Variants in EMCN observed in about 807,000 individuals in gnomAD.
EMCN encodes MUC-14.
In EMCN, 37 loss-of-function variants were observed where a neutral mutation model predicts 38.4. The observed-to-expected ratio is 0.96, with a 90% CI of 0.74 to 1.27. The LOEUF (loss-of-function observed/expected upper bound fraction) is 1.27, where lower values mean the gene tolerates loss of function less well. EMCN is among the 50% of genes most tolerant of loss of function. The pLI is 0.00. For synonymous variants in EMCN, 95 were observed against 100.8 expected, an observed-to-expected ratio of 0.94 and a Z score of 0.35; for missense variants, 318 against 302.8, an observed-to-expected ratio of 1.05 and a Z score of -0.37.
At chr4:100,432,499 AC>A (rs1315401448) in intron 5 of EMCN, among the ~76,000 whole-genome samples, 2 of 152,132 alleles carry the variant, frequency 1.3e-5, no homozygotes, top group African/African-American at 2.4e-5. Context: ...GCTAGTGTAC[AC>A]ATAATAGGAA....
At chr4:100,430,539 G>A (rs1165506341) in intron 5 of EMCN, among the ~76,000 whole-genome samples, 4 of 152,080 alleles carry the variant, frequency 2.6e-5, no homozygotes, top group Admixed American at 2.0e-4. Flanking sequence ...AGTAAATAAA[G>A]CGTGTCGTAG....
intron 11 of EMCN, among the ~76,000 whole-genome samples, chr4:100,404,844 G>A (rs1239819710): frequency 6.6e-6 from 1 of 152,050 alleles, no homozygotes; most frequent in African/African-American, 2.4e-5. Context: ...TCCAATCCAT[G>A]AACATGCAAT....
At chr4:100,503,396 T>C (rs566651586) in intron 1 of EMCN, among the ~76,000 whole-genome samples, 1 of 152,320 alleles carries the variant, frequency 6.6e-6, no homozygotes, top group African/African-American at 2.4e-5. Flanking sequence ...ATTATACTTA[T>C]ATTTTGGCAC....
In EMCN at chr4:100,459,055, G is replaced by A. The variant is rs4488946; in HGVS notation, c.376+6368C>T. On this transcript the variant is annotated intron_variant, in intron 4 of 11. Transcript: ENST00000296420. ...TATTAAAATGACTTTCCAGTGGATG[G>A]CAAGTCTTCTTTGGCTTTCTCTTTC... 5.8e-4 allele frequency among the ~76,000 whole-genome samples: 89 copies of A among 152,160 alleles called. 4 individuals are homozygous for A. In the South Asian group the frequency reaches 0.018, roughly 32 times the overall value.
intron 1 of EMCN, among the ~76,000 whole-genome samples, chr4:100,514,395 T>C (rs1005730624): frequency 3.9e-5 from 6 of 152,078 alleles, no homozygotes; most frequent in Admixed American, 3.9e-4. Context: ...AAGCTCTTCC[T>C]AGACCCTTCT....
chr4:100,448,836 C>CTTCTT (rs1560619345), intron 4 of EMCN, among the ~76,000 whole-genome samples: 3 of 147,328 alleles, frequency 2.0e-5, no homozygotes, highest in African/African-American at 7.6e-5. Flanking sequence ...CCCTCCCTCC[C>CTTCTT]TCCCTCCCTT....
At chr4:100,448,564 C>T (rs1172947427) in intron 4 of EMCN, among the ~76,000 whole-genome samples, 1 of 152,118 alleles carries the variant, frequency 6.6e-6, no homozygotes, top group East Asian at 1.9e-4. Flanking sequence ...ATTCCAAATT[C>T]AAACATGTCT....
intron 1 of EMCN, among the ~76,000 whole-genome samples, chr4:100,516,855 TG>T (rs1397759285): frequency 2.0e-5 from 3 of 152,116 alleles, no homozygotes; most frequent in African/African-American, 7.2e-5. Context: ...TGAATGTTTT[TG>T]TTTTTTTCCC....
intron 5 of EMCN, among the ~76,000 whole-genome samples, chr4:100,424,053 ATTTG>A (rs1431096946): frequency 6.6e-6 from 1 of 151,578 alleles, no homozygotes; most frequent in African/African-American, 2.4e-5. Context: ...TGTTATCGTT[ATTTG>A]TTTGTTTAGT....
intron 1 of EMCN, among the ~76,000 whole-genome samples, chr4:100,504,877 G>T (rs545655784): frequency 6.6e-6 from 1 of 152,304 alleles, no homozygotes; most frequent in African/African-American, 2.4e-5. Flanking sequence ...CAGTTATCCA[G>T]AGGCCTAACC....
chr4:100,449,249 T>C (rs543831490), intron 4 of EMCN, among the ~76,000 whole-genome samples: 41 of 152,278 alleles, frequency 2.7e-4, no homozygotes, highest in African/African-American at 9.6e-4. Flanking sequence ...TTACTATTTG[T>C]AAGCAACTTT....
At chr4:100,446,062 C>T in intron 5 of EMCN, 1 of 984,940 alleles carries the variant, frequency 1.0e-6, no homozygotes. Context: ...TCCTTCAGTC[C>T]CTCCTTAAAG....
chr4:100,415,903 T>C lies in EMCN; in HGVS notation c.746A>G (p.Glu249Gly). The change falls in exon 10 of 12, where the codon GAG (glutamate) becomes GGG (glycine). Residue 249 changes from glutamate (E) to glycine (G), a missense_variant. Physicochemically the swap from Glu to Gly is moderately conservative, Grantham distance 98 (BLOSUM62 -2). Coordinates refer to ENST00000296420, the MANE Select transcript of EMCN (RefSeq NM_016242.4). Reference sequence around the variant, plus strand: ...CAACTTGTCTGGAAACTTACCAGACTCATGAGAAATTGTCTTAACGGTAAG... The same window carrying C: ...CAACTTGTCTGGAAACTTACCAGACCCATGAGAAATTGTCTTAACGGTAAG... ...KLLTVKTISH[E>G]SGEHSAQGKT... The C allele has an allele frequency of 3.2e-6, 5 of 1,584,552 alleles. No homozygotes were observed. Among genetic ancestry groups the C allele is most frequent in the Non-Finnish European group, 4.3e-6 (5 of 1,167,132 alleles).
chr4:100,422,905 G>T, intron 7 of EMCN, 116 bp downstream of exon 7: 6 of 926,748 alleles, frequency 6.5e-6, no homozygotes, highest in Non-Finnish European at 8.5e-6. Context: ...TAATGGGATT[G>T]CAGGCTCAGT....
chr4:100,455,744 A>G (rs571611291), intron 4 of EMCN, among the ~76,000 whole-genome samples: 1 of 151,888 alleles, frequency 6.6e-6, no homozygotes, highest in Admixed American at 6.6e-5. Context: ...ACCTGAATCT[A>G]TGGGTTTATA....
At chr4:100,471,252 A>G (rs2110270168) in intron 3 of EMCN, among the ~76,000 whole-genome samples, 1 of 152,072 alleles carries the variant, frequency 6.6e-6, no homozygotes, top group Admixed American at 6.5e-5. Context: ...ATTATGAATG[A>G]AAGAGGATTC....
At chr4:100,406,603 T>A (rs1192810225) in intron 11 of EMCN, among the ~76,000 whole-genome samples, 1 of 152,180 alleles carries the variant, frequency 6.6e-6, no homozygotes, top group Non-Finnish European at 1.5e-5. Flanking sequence ...AGAATGTGGC[T>A]GGTATGATTT....
intron 5 of EMCN, among the ~76,000 whole-genome samples, chr4:100,437,353 G>A (rs925119308): frequency 1.3e-5 from 2 of 151,946 alleles, no homozygotes; most frequent in Non-Finnish European, 2.9e-5. Context: ...TTTGTAGCAT[G>A]CTGTTTTATT....
chr4:100,510,089 G>C (rs1049574260), intron 1 of EMCN, among the ~76,000 whole-genome samples: 2 of 152,078 alleles, frequency 1.3e-5, no homozygotes, highest in African/African-American at 4.8e-5. Flanking sequence ...TCAAACTTAA[G>C]TTTTCACATT....
Sources: gnomAD v4.1 joint callset for allele counts (sites outside exome capture counted in the v4.1 genomes callset) on GRCh38, gnomAD v4.1.1 for gene constraint, MANE v1.5 for transcripts, NCBI Gene and HGNC (gene_info 2026-07-23, HGNC 2026-07-21) for gene names.